The following DHX35 variants were observed in gnomAD, a reference collection of about 807,000 sequenced individuals.
The protein encoded by DHX35 is probable ATP-dependent RNA helicase DHX35.
DHX35 carries 84 observed loss-of-function variants against 99.6 expected under a neutral mutation model. The ratio of observed to expected loss-of-function variants is 0.84; its 90% CI spans 0.71 to 1.01. The LOEUF is 1.01. Ranked by LOEUF, DHX35 falls within the 50% of genes least tolerant of loss-of-function variation. The pLI is 0.00. For missense variants in DHX35, 852 were observed against 888.5 expected (o/e 0.96, Z 0.52); for synonymous variants, 331 against 316.2 (o/e 1.05, Z -0.50).
intron 2 of DHX35, among the ~76,000 whole-genome samples, chr20:38,971,742 C>T (rs1230225636): frequency 6.6e-6 from 1 of 152,170 alleles, no homozygotes; most frequent in Non-Finnish European, 1.5e-5. Flanking sequence ...TTCTACATCT[C>T]ACTTCCTTTT....
intron 13 of DHX35, 94 bp downstream of exon 13, chr20:39,010,498 T>A (rs2086685996): frequency 1.3e-6 from 2 of 1,514,212 alleles, no homozygotes; most frequent in Non-Finnish European, 1.8e-6. Flanking sequence ...TCTTTCCTTT[T>A]TTTCCCTACT....
chr20:39,023,780 A>G lies in DHX35; in HGVS notation c.1671+13A>G, dbSNP rs752408967. 6.2e-7 allele frequency: 1 copy of G among 1,611,874 alleles called. No individual in the cohort carries two copies. The highest frequency in any genetic ancestry group is 8.5e-7 in the Non-Finnish European group (1 of 1,178,124). On this transcript the variant is annotated intron_variant, in intron 17 of 21. Coordinates refer to ENST00000252011, the MANE Select transcript of DHX35 (RefSeq NM_021931.4). ...AGCATTTATCAAAGTAAGCACAACT[A>G]CTGCTCGAAGTGCCGCCTCAACACA...
At chr20:39,004,242 T>A (rs1004088726) in intron 11 of DHX35, among the ~76,000 whole-genome samples, 4 of 152,108 alleles carry the variant, frequency 2.6e-5, no homozygotes, top group South Asian at 2.1e-4. Context: ...TTTTTTTGTA[T>A]TTTTAGTAGA....
intron 12 of DHX35, among the ~76,000 whole-genome samples, chr20:39,007,076 A>G (rs2086630577): frequency 6.6e-6 from 1 of 152,146 alleles, no homozygotes; most frequent in South Asian, 2.1e-4. Flanking sequence ...TTTATCCAGT[A>G]TCCATCTGCA....
At chr20:39,029,370 G>A (rs1341105609) in intron 19 of DHX35, 1 of 151,196 alleles carries the variant, frequency 6.6e-6, no homozygotes, top group Non-Finnish European at 1.5e-5. Context: ...CTGGGCTCCT[G>A]TTAATGAGTC....
Position 39,030,767 on chromosome 20 carries a change from G to A in DHX35, c.1947G>A (p.Pro649=), listed in dbSNP as rs1480662933. ...CGTCAGTCCTCTATGCAGAGAAGCC[G>A]CCTCGCTGGTAAGCTCATCCTGCTG... The part of the protein sequence containing the change: ...HPASVLYAEK[P]PRWVIYNEVI... Residue 649 remains proline (P), a synonymous_variant, in exon 20 of 22, where the codon CCG becomes CCA. Transcript: ENST00000252011. 24 of 1,613,996 alleles carry A rather than the reference G, an allele frequency of 1.5e-5. No individual in the cohort carries two copies. Among genetic ancestry groups the A allele is most frequent in the East Asian group, 2.2e-5 (1 of 44,894 alleles).
Position 39,028,413 on chromosome 20 carries a change from T to C in DHX35, c.1802-5T>C. On this transcript the variant is annotated splice_region_variant and splice_polypyrimidine_tract_variant and intron_variant, in intron 18 of 21. Coordinates refer to ENST00000252011, the MANE Select transcript of DHX35 (RefSeq NM_021931.4). Reference sequence around the variant, plus strand: ...CACCCGCCTCTCTGTTGGCTGCCTATGTAGGTGACCCGGATCTGGTTCTGA... The same window carrying C: ...CACCCGCCTCTCTGTTGGCTGCCTACGTAGGTGACCCGGATCTGGTTCTGA... 6.2e-7 allele frequency: 1 copy of C among 1,614,216 alleles called. No individual in the cohort carries two copies. The highest frequency in any genetic ancestry group is 8.5e-7 in the Non-Finnish European group (1 of 1,180,032).
At chr20:38,967,376 G>C (rs145039805) in intron 1 of DHX35, among the ~76,000 whole-genome samples, 7 of 152,302 alleles carry the variant, frequency 4.6e-5, no homozygotes, top group Non-Finnish European at 4.4e-5. Context: ...CCAGCAGGAG[G>C]CTGTATAGCA....
At chr20:38,966,342 G>A (rs1409438335) in intron 1 of DHX35, among the ~76,000 whole-genome samples, 3 of 152,180 alleles carry the variant, frequency 2.0e-5, no homozygotes, top group Admixed American at 2.0e-4. Context: ...ATGAGGAGAA[G>A]GTATACTGTT....
intron 4 of DHX35, 50 bp downstream of exon 4, chr20:38,983,826 G>C (rs746656701): frequency 2.6e-6 from 4 of 1,526,470 alleles, no homozygotes; most frequent in Non-Finnish European, 3.6e-6. Context: ...GTCTACATTT[G>C]TGATTTGTTT....
At chr20:39,026,844 C>G (rs2086965308) in intron 18 of DHX35, among the ~76,000 whole-genome samples, 1 of 152,092 alleles carries the variant, frequency 6.6e-6, no homozygotes, top group Non-Finnish European at 1.5e-5. Flanking sequence ...CAAGGAGCAC[C>G]TAGTTGGAGA....
intron 3 of DHX35, among the ~76,000 whole-genome samples, chr20:38,980,003 G>T (rs1415932719): frequency 6.6e-6 from 1 of 152,162 alleles, no homozygotes; most frequent in Non-Finnish European, 1.5e-5. Context: ...GGAGAACTCA[G>T]ATGGACTTCA....
At chr20:39,032,003 T>A (rs1241380378) in intron 20 of DHX35, among the ~76,000 whole-genome samples, 1 of 152,234 alleles carries the variant, frequency 6.6e-6, no homozygotes, top group Non-Finnish European at 1.5e-5. Context: ...TAGACATCTT[T>A]ATAACATTTC....
chr20:38,984,820 T>C (rs908307766), intron 4 of DHX35, among the ~76,000 whole-genome samples: 1 of 152,238 alleles, frequency 6.6e-6, no homozygotes, highest in African/African-American at 2.4e-5. Context: ...TCATTAGTTA[T>C]TTTCTATGGT....
chr20:39,022,650 C>T (rs1256329783), intron 16 of DHX35, among the ~76,000 whole-genome samples: 1 of 152,186 alleles, frequency 6.6e-6, no homozygotes, highest in African/African-American at 2.4e-5. Context: ...ACATTAGTGA[C>T]ATAAGAAGTC....
In DHX35 at chr20:38,990,766, G is replaced by GT. The variant is rs1047349854; in HGVS notation, c.451-686dup. On this transcript the variant is annotated intron_variant, in intron 5 of 21. Transcript: ENST00000252011. ...TGAGCATCTGCAGATTTTGGTGTGG[G>GT]TTGGGGGGGTTTCTAGAACCAACCC... Among the ~76,000 whole-genome samples the GT allele has an allele frequency of 6.5e-4, 99 of 152,246 alleles. 2 individuals are homozygous for GT. The highest frequency in any genetic ancestry group is 2.3e-3 in the African/African-American group (96 of 41,556).
At position 39,001,702 on chromosome 20, in the gene DHX35, A is replaced by G. The variant is rs148148515; in HGVS notation, c.643-28A>G. On this transcript the variant is annotated intron_variant, in intron 8 of 21. Transcript: ENST00000252011. ...GCTACGAACCTTTTTTTCTAAGAGA[A>G]ATGAAGAATTAATTTTTTTCTTTTT... 5.2e-4 allele frequency: 803 copies of G among 1,550,848 alleles called. 8 individuals carry two copies. In the East Asian group the frequency reaches 0.011, roughly 22 times the overall value.
intron 4 of DHX35, 77 bp downstream of exon 4, chr20:38,983,853 T>C (rs572283063): frequency 7.7e-7 from 1 of 1,295,560 alleles, no homozygotes; most frequent in South Asian, 1.3e-5. Flanking sequence ...CCTAAAGGCT[T>C]TAAATGAATA....
Position 38,988,848 on chromosome 20 carries a change from G to A in DHX35, c.381G>A (p.Val127=). ...AGRVAEERGA[V]LGHEVGYCIR... ...GAGTAGCTGAAGAAAGGGGTGCAGT[G>A]CTGGGCCACGAGGTGGGCTACTGCA... Residue 127 remains valine, a synonymous_variant, in exon 5 of 22, where the codon GTG becomes GTA. Transcript: ENST00000252011. 6.2e-7 allele frequency: 1 copy of A among 1,613,844 alleles called. No homozygotes were observed. Among genetic ancestry groups the A allele is most frequent in the South Asian group, 1.1e-5 (1 of 91,074 alleles).
Sources: gnomAD v4.1 joint callset for allele counts (sites outside exome capture counted in the v4.1 genomes callset) on GRCh38, gnomAD v4.1.1 for gene constraint, MANE v1.5 for transcripts, NCBI Gene and HGNC (gene_info 2026-07-23, HGNC 2026-07-21) for gene names.